FYN: variants seen among roughly 807,000 people sequenced by gnomAD.
FYN encodes tyrosine-protein kinase Fyn.
FYN carries 10 observed loss-of-function variants against 70.2 expected under a neutral mutation model. The observed-to-expected ratio is 0.14, with a 90% CI of 0.09 to 0.24. The LOEUF (loss-of-function observed/expected upper bound fraction) is 0.24, where lower values mean the gene tolerates loss of function less well. FYN is among the 10% of genes least tolerant of loss of function. The probability of loss-of-function intolerance (pLI) is 1.00; values close to 1 mark genes in which losing one functional copy is unlikely to be tolerated. For missense variants in FYN, 319 were observed against 673.1 expected, an observed-to-expected ratio of 0.47 and a Z score of 5.82; for synonymous variants, 236 against 248.6, an observed-to-expected ratio of 0.95 and a Z score of 0.48.
At chr6:111,765,774 TAAA>T (rs35232125) in intron 3 of FYN, among the ~76,000 whole-genome samples, 4 of 142,110 alleles carry the variant, frequency 2.8e-5, no homozygotes, top group Admixed American at 6.9e-5. Context: ...GACTAGAAAT[TAAA>T]AAAAAAAAAA....
intron 12 of FYN, among the ~76,000 whole-genome samples, chr6:111,677,827 T>G (rs542060184): frequency 1.1e-4 from 16 of 152,334 alleles, no homozygotes; most frequent in Admixed American, 5.9e-4. Flanking sequence ...AATTGTTATG[T>G]AACTAGCTGA....
intron 3 of FYN, among the ~76,000 whole-genome samples, chr6:111,761,024 T>C (rs1802985330): frequency 6.6e-6 from 1 of 152,236 alleles, no homozygotes; most frequent in African/African-American, 2.4e-5. Context: ...AGCAGGCAGT[T>C]CATTGTGAGA....
intron 12 of FYN, among the ~76,000 whole-genome samples, chr6:111,688,424 G>C (rs1385169169): frequency 6.6e-6 from 1 of 152,208 alleles, no homozygotes; most frequent in African/African-American, 2.4e-5. Context: ...GAGACAGCAG[G>C]AGAGCATGTC....
intron 2 of FYN, among the ~76,000 whole-genome samples, chr6:111,785,206 C>T (rs1370209778): frequency 6.6e-6 from 1 of 152,218 alleles, no homozygotes; most frequent in Non-Finnish European, 1.5e-5. Flanking sequence ...TTTCCTGGTA[C>T]ATACAATTCC....
chr6:111,823,011 C>G (rs1454691127), intron 2 of FYN, among the ~76,000 whole-genome samples: 1 of 152,206 alleles, frequency 6.6e-6, no homozygotes, highest in East Asian at 1.9e-4. Context: ...GCAGTAGGTG[C>G]ACATCACATG....
At chr6:111,777,953 C>T (rs1771016621) in intron 3 of FYN, among the ~76,000 whole-genome samples, 1 of 152,208 alleles carries the variant, frequency 6.6e-6, no homozygotes, top group South Asian at 2.1e-4. Flanking sequence ...CTTTTAGGAG[C>T]TCCTTTCTTA....
chr6:111,824,763 C>T (rs954826465), intron 2 of FYN, among the ~76,000 whole-genome samples: 1 of 152,200 alleles, frequency 6.6e-6, no homozygotes, highest in Non-Finnish European at 1.5e-5. Flanking sequence ...CCCTCCACTA[C>T]TCACTATTCA....
chr6:111,819,237 G>T (rs1447095848), intron 2 of FYN, among the ~76,000 whole-genome samples: 1 of 152,152 alleles, frequency 6.6e-6, no homozygotes, highest in Admixed American at 6.5e-5. Context: ...TGGAGATTCA[G>T]TCTTCAAAAA....
At chr6:111,699,734 G>A (rs1041207410) in intron 9 of FYN, 2 of 1,466,262 alleles carry the variant, frequency 1.4e-6, no homozygotes, top group African/African-American at 2.8e-5. Flanking sequence ...GCATGCACTA[G>A]GAAAGATGGA....
intron 1 of FYN, among the ~76,000 whole-genome samples, chr6:111,847,042 T>C (rs1247781415): frequency 6.6e-6 from 1 of 152,186 alleles, no homozygotes; most frequent in Non-Finnish European, 1.5e-5. Context: ...ACCTCTTGGA[T>C]TAAAACACCC....
In FYN at chr6:111,674,472, C is replaced by A. The variant is rs757623530; in HGVS notation, c.1405+27G>T. 5.0e-6 allele frequency: 8 copies of A among 1,594,826 alleles called. No individual in the cohort carries two copies. The African/African-American group carries it at 8.1e-5, about 16-fold the overall frequency. On this transcript the variant is annotated intron_variant, in intron 13 of 13. Coordinates refer to ENST00000354650, the MANE Select transcript of FYN (RefSeq NM_002037.5). Reference sequence around the variant, plus strand: ...TGTCAAAAAAGCCTCCAATCTCAGGCCCATGTCTGTGAGGCCCTGCTCTTA... The same window carrying A: ...TGTCAAAAAAGCCTCCAATCTCAGGACCATGTCTGTGAGGCCCTGCTCTTA...
chr6:111,789,501 C>CTATATTTCAACGTTAAGG (rs1420004217), intron 2 of FYN, among the ~76,000 whole-genome samples: 2 of 152,028 alleles, frequency 1.3e-5, no homozygotes, highest in African/African-American at 4.8e-5. Context: ...GCCATGAGTA[C>CTATATTTCAACGTTAAGG]CCAGTTTATT....
At chr6:111,769,565 G>C (rs1275187120) in intron 3 of FYN, among the ~76,000 whole-genome samples, 1 of 152,118 alleles carries the variant, frequency 6.6e-6, no homozygotes, top group Non-Finnish European at 1.5e-5. Flanking sequence ...TATTTGACTA[G>C]TTGGAAAAAA....
At chr6:111,683,653 A>G (rs1396576117) in intron 12 of FYN, among the ~76,000 whole-genome samples, 2 of 152,072 alleles carry the variant, frequency 1.3e-5, no homozygotes, top group Admixed American at 1.3e-4. Flanking sequence ...AAAGCCACTA[A>G]CTCTGCAAAT....
chr6:111,707,221 C>G (rs561801376), intron 6 of FYN, among the ~76,000 whole-genome samples: 1 of 152,372 alleles, frequency 6.6e-6, no homozygotes, highest in East Asian at 1.9e-4. Flanking sequence ...CAAACAGCCA[C>G]TGGCAGTTCT....
At chr6:111,676,688 C>T (rs1798541949) in intron 12 of FYN, 2 of 152,294 alleles carry the variant, frequency 1.3e-5, no homozygotes, top group Middle Eastern at 3.4e-3. Flanking sequence ...ATCTCTTGAG[C>T]CAAATGGCTT....
At chr6:111,734,722 T>G (rs924899860) in intron 3 of FYN, among the ~76,000 whole-genome samples, 11 of 152,190 alleles carry the variant, frequency 7.2e-5, no homozygotes, top group African/African-American at 2.7e-4. Flanking sequence ...CAAAAGTTAC[T>G]CCGAAATCAC....
intron 1 of FYN, among the ~76,000 whole-genome samples, chr6:111,859,778 C>CA (rs760629849): frequency 3.3e-5 from 5 of 151,948 alleles, no homozygotes; most frequent in Non-Finnish European, 7.4e-5. Flanking sequence ...CCCCCAACCA[C>CA]AAAAAACAAA....
chr6:111,825,157 C>CT (rs1311174070), intron 2 of FYN, among the ~76,000 whole-genome samples: 1 of 152,210 alleles, frequency 6.6e-6, no homozygotes, highest in Non-Finnish European at 1.5e-5. Flanking sequence ...GCCTGGACAG[C>CT]TCTCCATGGT....
Sources: gnomAD v4.1 joint callset for allele counts (sites outside exome capture counted in the v4.1 genomes callset) on GRCh38, gnomAD v4.1.1 for gene constraint, MANE v1.5 for transcripts, NCBI Gene and HGNC (gene_info 2026-07-23, HGNC 2026-07-21) for gene names.